ADGRD2: variants seen among roughly 807,000 people sequenced by gnomAD.
ADGRD2 encodes the protein adhesion G protein-coupled receptor D2, also known as G protein-coupled receptor PGR24.
Under a neutral mutation model 44.4 loss-of-function variants are expected in ADGRD2, and 71 were observed. The observed-to-expected ratio is 1.60, with a 90% CI of 1.32 to 1.95. The LOEUF is 1.95. Ranked by LOEUF, ADGRD2 falls within the 30% of genes most tolerant of loss-of-function variation. The pLI, the probability that ADGRD2 is intolerant of heterozygous loss-of-function variation, is 0.00. For synonymous variants in ADGRD2, 481 were observed against 224.8 expected (o/e 2.14, Z -10.19); for missense variants, 1,039 against 512.4 (o/e 2.03, Z -9.92).
Position 124,455,140 on chromosome 9 carries a change from G to A in ADGRD2, c.1393+13G>A. On this transcript the variant is annotated intron_variant, in intron 6 of 21. Transcript: ENST00000334810. The stretch of plus-strand genomic sequence containing the variant: ...CTCCCTCCGTGAAGTGAGGCTGGCA[G>A]GGCTGGGTGGGGCAGGGGCCTGGGC... 2 of 683,686 alleles carry A rather than the reference G, an allele frequency of 2.9e-6. No homozygotes were observed. The highest frequency in any genetic ancestry group is 3.2e-5 in the South Asian group (2 of 63,482). 42.4% of individuals were successfully genotyped at this position (683,686 alleles called of 1,614,324 possible). A position where few individuals can be genotyped will look rare whatever the true frequency, so the allele number is the denominator to read the frequency against.
upstream of ADGRD2, chr9:124,451,418 A>G: frequency 2.8e-6 from 1 of 359,440 alleles, no homozygotes; most frequent in East Asian, 7.4e-5. Context: ...GGGCTCCTGG[A>G]GACCATCTTT....
chr9:124,471,145 C>T (rs1348943716), intron 17 of ADGRD2, among the ~76,000 whole-genome samples: 4 of 152,100 alleles, frequency 2.6e-5, no homozygotes, highest in Non-Finnish European at 5.9e-5. Context: ...AGGTCCCTCT[C>T]GGGGGATTGG....
At chr9:124,469,692 G>T in intron 16 of ADGRD2, 145 bp downstream of exon 19, 1 of 630,924 alleles carries the variant, frequency 1.6e-6, no homozygotes. Flanking sequence ...TATTGAGTAT[G>T]TGGGTACACA....
chr9:124,457,310 A>G lies in ADGRD2; in HGVS notation c.1506-162A>G, dbSNP rs572320423. On this transcript the variant is annotated intron_variant, in intron 7 of 21. Coordinates refer to ENST00000334810, the Ensembl canonical transcript of ADGRD2. ...GTGACCCCCTTCCCCTGGAATTGGA[A>G]AAGTCAGATTTGCCTTGGGCAAGTT... Among the ~76,000 whole-genome samples the G allele has an allele frequency of 4.6e-5, 7 of 152,340 alleles. No individual in the cohort carries two copies. The South Asian group carries it at 1.5e-3, about 32-fold the overall frequency.
intron 8 of ADGRD2, 24 bp downstream of exon 11, chr9:124,457,630 C>T (rs745857685): frequency 2.2e-5 from 13 of 598,920 alleles, no homozygotes; most frequent in African/African-American, 1.8e-4. Flanking sequence ...AGGGGGTGTC[C>T]AGAGCCCTGT....
At chr9:124,475,382 G>A in intron 17 of ADGRD2, 64 bp from the exon 21 acceptor site, 1 of 684,464 alleles carries the variant, frequency 1.5e-6, no homozygotes, top group Non-Finnish European at 2.7e-6. Flanking sequence ...CCCCAGGCAA[G>A]GCCAGGCTGT....
Position 124,458,241 on chromosome 9 carries a change from G to T in ADGRD2, c.1764+5G>T. The T allele has an allele frequency of 1.4e-6, 1 of 718,388 alleles. No individual in the cohort carries two copies. The allele number at this position is 718,388 out of a possible 1,614,324, so 44.5% of individuals were successfully genotyped here. On this transcript the variant is annotated splice_donor_5th_base_variant and intron_variant, in intron 9 of 21. Transcript: ENST00000334810. ...GGAGGCAAACAGGGTGCAGAGGTGA[G>T]TAGGCGCCACCTGGAGGGCTGTGAG...
Position 124,454,014 on chromosome 9 carries a change from G to A in ADGRD2, c.941G>A (p.Cys314Tyr). ...CCCCTGCCAGTGCCCTCCGAGGAGT[G>A]CCCTACGTGGAACCCGGGACCTCGC... Residue 314 changes from cysteine (C) to tyrosine (Y), a missense_variant, in exon 4 of 22, where the codon TGC becomes TAC. By Grantham distance (194) the Cys-to-Tyr change is radical. Transcript: ENST00000334810. This position sits in a 1 kb window ranked among gnomAD's most constrained non-coding sequence, Gnocchi z 4.5. 1.4e-6 allele frequency: 1 copy of A among 708,112 alleles called. No homozygotes were observed. Among genetic ancestry groups the A allele is most frequent in the South Asian group, 1.5e-5 (1 of 66,194 alleles). 43.9% of individuals were successfully genotyped at this position (708,112 alleles called of 1,614,324 possible).
At chr9:124,470,527 C>T (rs377674289) in exon 17 of ADGRD2, 9 of 711,084 alleles carry the variant, frequency 1.3e-5, no homozygotes, top group African/African-American at 1.2e-4. Context: ...TCCTGCTGCC[C>T]GTCCTAGGCC....
chr9:124,476,296 G>T (rs1240260584), intron 19 of ADGRD2, 61 bp from the exon 23 acceptor site: 4 of 661,698 alleles, frequency 6.0e-6, no homozygotes, highest in East Asian at 2.7e-5. Context: ...CTCCCAGGAT[G>T]GGGGAGCAGA....
At chr9:124,468,981 C>T (rs975664917) in intron 14 of ADGRD2, among the ~76,000 whole-genome samples, 4 of 152,190 alleles carry the variant, frequency 2.6e-5, no homozygotes, top group Admixed American at 1.3e-4. Flanking sequence ...GCCCAGCCTC[C>T]GTCTCCAGAG....
At chr9:124,453,771 C>T in intron 3 of ADGRD2, 95 bp downstream of exon 6, 2 of 638,246 alleles carry the variant, frequency 3.1e-6, no homozygotes, top group South Asian at 3.5e-5. Flanking sequence ...CAAGCCACGC[C>T]TAGCTCTGGC....
chr9:124,462,245 T>C (rs1173759350), intron 10 of ADGRD2, among the ~76,000 whole-genome samples: 1 of 151,452 alleles, frequency 6.6e-6, no homozygotes, highest in Non-Finnish European at 1.5e-5. Flanking sequence ...TTTTTTTCTC[T>C]TTTTGTAGAG....
intron 16 of ADGRD2, 48 bp downstream of exon 19, chr9:124,469,595 C>T: frequency 1.4e-6 from 1 of 710,710 alleles, no homozygotes; most frequent in African/African-American, 1.7e-5. Flanking sequence ...AGTGCACAGT[C>T]AGCCGGCGCC....
chr9:124,453,761 C>G, intron 3 of ADGRD2, 85 bp downstream of exon 6: 1 of 640,610 alleles, frequency 1.6e-6, no homozygotes, highest in Non-Finnish European at 2.8e-6. Context: ...CCTTGCCAAC[C>G]AAGCCACGCC....
chr9:124,476,297 G>A, intron 19 of ADGRD2, 60 bp from the exon 23 acceptor site: 2 of 664,960 alleles, frequency 3.0e-6, no homozygotes, highest in South Asian at 1.6e-5. Context: ...TCCCAGGATG[G>A]GGGAGCAGAG....
chr9:124,454,851 G>C lies in ADGRD2; in HGVS notation c.1119G>C (p.Pro373=), dbSNP rs746307556. 7.1e-6 allele frequency: 5 copies of C among 700,422 alleles called. No individual in the cohort carries two copies. Among genetic ancestry groups the C allele is most frequent in the East Asian group, 2.7e-5 (1 of 37,072 alleles). 43.4% of individuals were successfully genotyped at this position (700,422 alleles called of 1,614,324 possible). A position where few individuals can be genotyped will look rare whatever the true frequency, so the allele number is the denominator to read the frequency against. ...GGCTCCTCTGTCCACAGCTCCTCCC[G>C]GACCCCCTCTCCGAAGTCCATGGGG... The change falls in exon 6 of 22, where the codon CCG becomes CCC. Residue 373 remains proline (P), a synonymous_variant. Transcript: ENST00000334810. The surrounding 1 kb of genome is among the most constrained non-coding windows in gnomAD (Gnocchi z 4.5).
At chr9:124,456,108 C>A (rs1336453065) in intron 6 of ADGRD2, among the ~76,000 whole-genome samples, 1 of 152,206 alleles carries the variant, frequency 6.6e-6, no homozygotes, top group African/African-American at 2.4e-5. Flanking sequence ...GAAAGCCAGA[C>A]TGAAGCTCAG....
At chr9:124,463,351 A>G (rs10818974) in intron 10 of ADGRD2, among the ~76,000 whole-genome samples, 98,250 of 152,050 alleles carry the variant, frequency 0.65, 32,046 homozygotes, top group African/African-American at 0.73. Flanking sequence ...TTTATGGTGT[A>G]TTATCTTTTA....
Sources: gnomAD v4.1 joint callset for allele counts (sites outside exome capture counted in the v4.1 genomes callset) on GRCh38, gnomAD v4.1.1 for gene constraint, Gnocchi (gnomAD v3.1) non-coding constraint, MANE v1.5 for transcripts, NCBI Gene and HGNC (gene_info 2026-07-23, HGNC 2026-07-21) for gene names.